The following LOC400499 variants were observed in gnomAD, a reference collection of about 807,000 sequenced individuals.
the LOC400499 span, chr16:11,450,692 C>T: frequency 1.3e-6 from 2 of 1,536,086 alleles, no homozygotes; most frequent in East Asian, 2.4e-5. Flanking sequence ...ACGCTGACCA[C>T]CAGGTCCTTT....
chr16:11,515,785 A>T, the LOC400499 span: 1 of 396,310 alleles, frequency 2.5e-6, no homozygotes, highest in Non-Finnish European at 4.4e-6. Context: ...GGAGGAGGAA[A>T]AGGGAGGAGG....
the LOC400499 span, among the ~76,000 whole-genome samples, chr16:11,435,044 C>G: frequency 6.6e-6 from 1 of 152,212 alleles, no homozygotes; most frequent in African/African-American, 2.4e-5. Context: ...ATGCTGCAAT[C>G]TTACAGCTCG....
chr16:11,457,447 G>C, the LOC400499 span, among the ~76,000 whole-genome samples: 1 of 151,882 alleles, frequency 6.6e-6, no homozygotes, highest in Non-Finnish European at 1.5e-5. Context: ...CAAAAAATTA[G>C]CCGGGCATGG....
At chr16:11,469,103 T>C in the LOC400499 span, 1 of 399,024 alleles carries the variant, frequency 2.5e-6, no homozygotes, top group African/African-American at 2.1e-5. Flanking sequence ...AACAGGGCTC[T>C]GGTACGGGGG....
At chr16:11,443,292 C>G in the LOC400499 span, 5 of 356,690 alleles carry the variant, frequency 1.4e-5, no homozygotes, top group Non-Finnish European at 2.6e-5. Flanking sequence ...CAGCTGCACC[C>G]TAGCCTGGGC....
At chr16:11,482,720 A>G in the LOC400499 span, among the ~76,000 whole-genome samples, 1 of 152,008 alleles carries the variant, frequency 6.6e-6, no homozygotes, top group East Asian at 1.9e-4. Context: ...GTGAGACCCC[A>G]TCTCAACAAA....
the LOC400499 span, chr16:11,435,666 C>T: frequency 2.5e-6 from 1 of 399,336 alleles, no homozygotes; most frequent in East Asian, 3.6e-5. Flanking sequence ...CATTACCTTG[C>T]TGGGGTGATC....
chr16:11,472,830 T>A, the LOC400499 span: 1 of 152,126 alleles, frequency 6.6e-6, no homozygotes, highest in Non-Finnish European at 1.5e-5. Flanking sequence ...ATCCCGATTA[T>A]AAAAATATAT....
the LOC400499 span, among the ~76,000 whole-genome samples, chr16:11,457,359 C>T: frequency 6.6e-6 from 1 of 151,872 alleles, no homozygotes; most frequent in Non-Finnish European, 1.5e-5. Flanking sequence ...TTTGGGAGGC[C>T]GAGGCGGGTG....
chr16:11,479,902 G>T, the LOC400499 span, among the ~76,000 whole-genome samples: 1 of 152,028 alleles, frequency 6.6e-6, no homozygotes, highest in Non-Finnish European at 1.5e-5. Context: ...CTGGTTCATG[G>T]CAGTTTTTTA....
the LOC400499 span, among the ~76,000 whole-genome samples, chr16:11,413,296 T>C: frequency 6.6e-6 from 1 of 152,164 alleles, no homozygotes; most frequent in Non-Finnish European, 1.5e-5. Context: ...GTCCACTCAG[T>C]TGTGGGGTAC....
the LOC400499 span, among the ~76,000 whole-genome samples, chr16:11,455,679 G>T: frequency 1.2e-4 from 18 of 149,238 alleles, no homozygotes; most frequent in Non-Finnish European, 1.9e-4. Flanking sequence ...AGGTTGCAGT[G>T]AGCCGAGATC....
the LOC400499 span, among the ~76,000 whole-genome samples, chr16:11,423,808 C>T: frequency 2.6e-5 from 4 of 152,224 alleles, no homozygotes; most frequent in Non-Finnish European, 5.9e-5. Context: ...TTCATTCTAC[C>T]AGACAGGGCC....
chr16:11,417,197 T>A, the LOC400499 span, among the ~76,000 whole-genome samples: 1 of 151,472 alleles, frequency 6.6e-6, no homozygotes, highest in African/African-American at 2.4e-5. Context: ...AACAAGGTCA[T>A]ATTCAAGTCG....
At chr16:11,495,519 T>C in the LOC400499 span, among the ~76,000 whole-genome samples, 1 of 152,058 alleles carries the variant, frequency 6.6e-6, no homozygotes, top group Admixed American at 6.6e-5. Context: ...TAGCTGAGAT[T>C]ACAGACACGT....
the LOC400499 span, among the ~76,000 whole-genome samples, chr16:11,477,600 G>C: frequency 6.6e-6 from 1 of 152,250 alleles, no homozygotes; most frequent in Non-Finnish European, 1.5e-5. Context: ...TCGTACTGCG[G>C]TGTGACCTTG....
the LOC400499 span, among the ~76,000 whole-genome samples, chr16:11,525,228 G>A: frequency 1.3e-5 from 2 of 150,872 alleles, no homozygotes; most frequent in African/African-American, 4.9e-5. Context: ...GCAGTGAGCC[G>A]AGATCGCACC....
chr16:11,384,306 C>T, the LOC400499 span: 15 of 1,232,384 alleles, frequency 1.2e-5, no homozygotes, highest in African/African-American at 4.7e-5. Context: ...CATTGGTGCC[C>T]AGAAGGCCAG....
the LOC400499 span, chr16:11,446,759 C>T: frequency 1.0e-5 from 16 of 1,535,770 alleles, no homozygotes; most frequent in South Asian, 2.4e-5. Flanking sequence ...TAGGGGTGTC[C>T]GGCCTGGCAG....
Sources: gnomAD v4.1 joint callset for allele counts (sites outside exome capture counted in the v4.1 genomes callset) on GRCh38, gnomAD v4.1.1 for gene constraint, MANE v1.5 for transcripts.